BIRC6: variants seen among roughly 807,000 people sequenced by gnomAD.
BIRC6 encodes the protein dual E2 ubiquitin-conjugating enzyme/E3 ubiquitin-protein ligase BIRC6.
A neutral mutation model predicts 503.3 loss-of-function variants in BIRC6; 98 were observed. The observed-to-expected ratio is 0.19, with a 90% CI of 0.17 to 0.23. The LOEUF is 0.23. BIRC6 is among the 10% of genes least tolerant of loss of function. The pLI, the probability that BIRC6 is intolerant of heterozygous loss-of-function variation, is 1.00. For synonymous variants in BIRC6, 2,240 were observed against 2,078.7 expected (o/e 1.08, Z -2.11); for missense variants, 5,360 against 5,806.0 (o/e 0.92, Z 2.50).
intron 67 of BIRC6, 72 bp from the exon 68 acceptor site, chr2:32,594,962 C>A (rs770388564): frequency 3.0e-6 from 3 of 994,424 alleles, no homozygotes; most frequent in Non-Finnish European, 2.8e-6. Flanking sequence ...GAGGTGAATT[C>A]TTTTTAGTTT....
chr2:32,487,745 A>G lies in BIRC6; in HGVS notation c.7912A>G (p.Met2638Val), dbSNP rs759568129. 14 of 1,613,558 alleles carry G rather than the reference A, an allele frequency of 8.7e-6. No individual in the cohort carries two copies. Among genetic ancestry groups the G allele is most frequent in the Non-Finnish European group, 1.0e-5 (12 of 1,179,580 alleles). ...TATTATACAGTTATCATCTGTCCCA[A>G]TGTTAAATGTTTGTTTCAACAAACT... ...QLIIQLSSVP[M>V]LNVCFNKLFS... The change falls in exon 41 of 74, where the codon ATG (methionine) becomes GTG (valine). Residue 2638 changes from methionine to valine, a missense_variant. Physicochemically the swap from Met to Val is conservative, Grantham distance 21 (BLOSUM62 1). Coordinates refer to ENST00000421745, the MANE Select transcript of BIRC6 (RefSeq NM_016252.4).
intron 46 of BIRC6, among the ~76,000 whole-genome samples, chr2:32,501,006 A>C (rs991648448): frequency 1.2e-4 from 19 of 152,184 alleles, no homozygotes; most frequent in Admixed American, 1.1e-3. Flanking sequence ...TTATTTGTTC[A>C]CATTTGCTTT....
chr2:32,463,564 A>T (rs916942536), intron 24 of BIRC6, among the ~76,000 whole-genome samples, 183 bp downstream of exon 24: 1 of 152,242 alleles, frequency 6.6e-6, no homozygotes, highest in Non-Finnish European at 1.5e-5. Flanking sequence ...GTATGAATAC[A>T]TCTTATTTGA....
intron 12 of BIRC6, among the ~76,000 whole-genome samples, chr2:32,432,373 C>T (rs1048320236): frequency 3.3e-5 from 5 of 152,202 alleles, no homozygotes; most frequent in Non-Finnish European, 7.4e-5. Context: ...CAAGATTACG[C>T]CCCACTGCAC....
intron 61 of BIRC6, among the ~76,000 whole-genome samples, chr2:32,540,777 C>T (rs2710629): frequency 0.56 from 85,461 of 151,744 alleles, 24,568 homozygotes; most frequent in African/African-American, 0.65. Flanking sequence ...ATAGCTCTAG[C>T]ATACTTGCTG....
chr2:32,415,925 T>C lies in BIRC6; in HGVS notation c.2634T>C (p.Ile878=). The change falls in exon 10 of 74, where the codon ATT becomes ATC. Residue 878 remains isoleucine (I), a synonymous_variant. Coordinates refer to ENST00000421745, the MANE Select transcript of BIRC6 (RefSeq NM_016252.4). ...GAGAGGATGACTGTGAGGAACCTAT[T>C]GAGGACATGCAGTTAACCTCAAAGA... ...DNREDDCEEP[I]EDMQLTSKNG... 6.2e-7 allele frequency: 1 copy of C among 1,613,994 alleles called. No individual in the cohort carries two copies. The highest frequency in any genetic ancestry group is 2.2e-5 in the East Asian group (1 of 44,886).
chr2:32,474,389 T>TTAGGA (rs2049486164), intron 33 of BIRC6, among the ~76,000 whole-genome samples: 1 of 152,200 alleles, frequency 6.6e-6, no homozygotes, highest in Non-Finnish European at 1.5e-5. Flanking sequence ...GTGCATTTAA[T>TTAGGA]TAGGATACAA....
At chr2:32,584,578 A>G (rs2060903947) in intron 66 of BIRC6, among the ~76,000 whole-genome samples, 1 of 152,164 alleles carries the variant, frequency 6.6e-6, no homozygotes, top group African/African-American at 2.4e-5. Context: ...TAAACAATAA[A>G]AAGTGGAGCA....
intron 50 of BIRC6, among the ~76,000 whole-genome samples, 176 bp from the exon 51 acceptor site, chr2:32,507,804 T>C (rs1388222325): frequency 6.6e-6 from 1 of 152,218 alleles, no homozygotes; most frequent in Non-Finnish European, 1.5e-5. Flanking sequence ...GAAAAATAGC[T>C]CCAACATTAA....
intron 15 of BIRC6, among the ~76,000 whole-genome samples, chr2:32,437,542 G>C (rs1041117605): frequency 6.6e-6 from 1 of 152,206 alleles, no homozygotes; most frequent in Non-Finnish European, 1.5e-5. Flanking sequence ...TGCAGACATA[G>C]TACAGGTCAA....
At chr2:32,487,325 A>G (rs1424952188) in intron 40 of BIRC6, among the ~76,000 whole-genome samples, 1 of 152,180 alleles carries the variant, frequency 6.6e-6, no homozygotes, top group Non-Finnish European at 1.5e-5. Context: ...ATTAGTCAGG[A>G]GTCTTATTTC....
chr2:32,387,526 ATTG>A (rs926726372), intron 3 of BIRC6, among the ~76,000 whole-genome samples: 4 of 152,154 alleles, frequency 2.6e-5, no homozygotes, highest in Admixed American at 2.0e-4. Context: ...AACTTCAGTA[ATTG>A]TTGTAATATT....
chr2:32,586,337 T>G (rs1461943997), intron 66 of BIRC6, among the ~76,000 whole-genome samples: 1 of 151,686 alleles, frequency 6.6e-6, no homozygotes, highest in Non-Finnish European at 1.5e-5. Context: ...AAATGATCAC[T>G]TTATTCTTTA....
chr2:32,458,169 T>G (rs2047448731), intron 23 of BIRC6, among the ~76,000 whole-genome samples: 1 of 152,208 alleles, frequency 6.6e-6, no homozygotes, highest in Non-Finnish European at 1.5e-5. Flanking sequence ...TATTGCTTTT[T>G]AAAGGTCATT....
At position 32,377,585 on chromosome 2, in the gene BIRC6, C is replaced by T. The variant is rs200205755; in HGVS notation, c.326-3C>T. 1.3e-5 allele frequency: 21 copies of T among 1,589,996 alleles called. No individual in the cohort carries two copies. In the Admixed American group the frequency reaches 3.1e-4, roughly 23 times the overall value. On this transcript the variant is annotated splice_polypyrimidine_tract_variant and splice_region_variant and intron_variant, in intron 1 of 73. Transcript: ENST00000421745. ...AAGTGTTGAATTTTTGTTCTTTTAA[C>T]AGCTAAACCAGGTGGACAGGTGAAA...
chr2:32,515,216 G>T lies in BIRC6; in HGVS notation c.10795G>T (p.Ala3599Ser). The change falls in exon 55 of 74, where the codon GCA (alanine) becomes TCA (serine). Residue 3599 changes from alanine to serine, a missense_variant. Ala to Ser is a moderately conservative substitution (Grantham distance 99). Transcript: ENST00000421745. ...ATCTTTAACAGATGACTCTAAAAAT[G>T]CACAAGCACCTCTCGCATTAACTGA... ...SSSLTDDSKN[A>S]QAPLALTESH... The T allele has an allele frequency of 6.2e-7, 1 of 1,613,860 alleles. No individual in the cohort carries two copies. Among genetic ancestry groups the T allele is most frequent in the Non-Finnish European group, 8.5e-7 (1 of 1,179,870 alleles).
chr2:32,451,293 G>A (rs1017601946), intron 22 of BIRC6, among the ~76,000 whole-genome samples: 1 of 151,976 alleles, frequency 6.6e-6, no homozygotes, highest in African/African-American at 2.4e-5. Flanking sequence ...TTGTGTCATT[G>A]CCCCGTTTAG....
chr2:32,605,287 G>A (rs922388145), intron 71 of BIRC6, among the ~76,000 whole-genome samples: 1 of 152,028 alleles, frequency 6.6e-6, no homozygotes, highest in Non-Finnish European at 1.5e-5. Context: ...GCTTTGCTTT[G>A]CTGTTTTAAA....
chr2:32,537,229 G>A (rs2057305453), intron 61 of BIRC6, among the ~76,000 whole-genome samples: 1 of 152,102 alleles, frequency 6.6e-6, no homozygotes, highest in Non-Finnish European at 1.5e-5. Flanking sequence ...AGATCAACGA[G>A]ACAGAAAGTT....
Sources: gnomAD v4.1 joint callset for allele counts (sites outside exome capture counted in the v4.1 genomes callset) on GRCh38, gnomAD v4.1.1 for gene constraint, MANE v1.5 for transcripts, NCBI Gene and HGNC (gene_info 2026-07-23, HGNC 2026-07-21) for gene names.